The following ADARB2 variants were observed in gnomAD, a reference collection of about 807,000 sequenced individuals.
ADARB2 encodes the protein adenosine deaminase RNA specific B2 (inactive), also known as inactive double-stranded RNA-specific editase B2.
A neutral mutation model predicts 62.2 loss-of-function variants in ADARB2; 25 were observed. The ratio of observed to expected loss-of-function variants is 0.40; its 90% confidence interval spans 0.29 to 0.56. ADARB2 has a LOEUF of 0.56. Ranked by LOEUF, ADARB2 falls within the 20% of genes least tolerant of loss-of-function variation. The pLI is 0.43. For synonymous variants in ADARB2, 572 were observed against 500.8 expected, an observed-to-expected ratio of 1.14 and a Z score of -1.90; for missense variants, 1,071 against 1,077.4, an observed-to-expected ratio of 0.99 and a Z score of 0.08.
intron 4 of ADARB2, among the ~76,000 whole-genome samples, chr10:1,265,849 C>G (rs112768855): frequency 8.3e-6 from 1 of 119,774 alleles, no homozygotes; most frequent in East Asian, 2.8e-4. Context: ...ACGGCCTGAG[C>G]CAGGTCCACG....
Position 1,679,875 on chromosome 10 carries a change from C to G in ADARB2, c.100+57176G>C, listed in dbSNP as rs539747721. Among the ~76,000 whole-genome samples the G allele has an allele frequency of 1.9e-4, 29 of 152,284 alleles. No homozygotes were observed. The East Asian group carries it at 5.4e-3, about 28-fold the overall frequency. ...CCTCCTTAGTCTGTGGGTTGTCACT[C>G]TTAACATTGCTGACATTCCTTTGGC... is the stretch of plus-strand genomic sequence containing the variant. On this transcript the variant is annotated intron_variant, in intron 1 of 9. Coordinates refer to ENST00000381312, the MANE Select transcript of ADARB2 (RefSeq NM_018702.4).
intron 8 of ADARB2, among the ~76,000 whole-genome samples, chr10:1,191,889 C>T (rs1456778427): frequency 1.3e-5 from 2 of 152,174 alleles, no homozygotes; most frequent in African/African-American, 4.8e-5. Flanking sequence ...GACATACTGG[C>T]AGTGTGGCTT....
rs1564318387 is a variant in ADARB2, at chr10:1,529,082, G to GCACCATC, written c.101-149923_101-149922insGATGGTG. 8.2e-4 allele frequency among the ~76,000 whole-genome samples: 70 copies of GCACCATC among 85,706 alleles called. 5 individuals are homozygous for GCACCATC. Among genetic ancestry groups the GCACCATC allele is most frequent in the East Asian group, 4.8e-3 (8 of 1,650 alleles). The allele number at this position is 85,706 out of a possible 152,430, so 56.2% of individuals were successfully genotyped here. A position where few individuals can be genotyped will look rare whatever the true frequency, so the allele number is the denominator to read the frequency against. On this transcript the variant is annotated intron_variant, in intron 1 of 9. Coordinates refer to ENST00000381312, the MANE Select transcript of ADARB2 (RefSeq NM_018702.4). ...ATCCTCCAATCAGTCCACCCACCAT[G>GCACCATC]CCCAACACCAATCCTCCAATCAGTC...
At chr10:1,397,010 G>T in intron 1 of ADARB2, among the ~76,000 whole-genome samples, 1 of 38,824 alleles carries the variant, frequency 2.6e-5, no homozygotes, top group Non-Finnish European at 7.2e-5. Context: ...GAGGCTTCCT[G>T]GGTCACCATC....
rs1378280763 is a variant in ADARB2 at position 1,258,520 on chromosome 10, C to A, written c.1192+12435G>T. Among the ~76,000 whole-genome samples the A allele has an allele frequency of 2.6e-5, 4 of 152,300 alleles. No homozygotes were observed. The East Asian group carries it at 5.8e-4, about 22-fold the overall frequency. On this transcript the variant is annotated intron_variant, in intron 4 of 9. Coordinates refer to ENST00000381312, the MANE Select transcript of ADARB2 (RefSeq NM_018702.4). ...CAATCCTAGTCTCTAATAAAACAGT[C>A]TTTAAACCAACAAAGATCAAAAGAG... is the stretch of plus-strand genomic sequence containing the variant.
At chr10:1,466,025 A>C (rs1031367266) in intron 1 of ADARB2, among the ~76,000 whole-genome samples, 1 of 152,220 alleles carries the variant, frequency 6.6e-6, no homozygotes. Context: ...TTAAACTAAG[A>C]AGACAAGAAC....
chr10:1,271,100 G>C, intron 3 of ADARB2, 31 bp from the exon 4 acceptor site: 1 of 1,581,412 alleles, frequency 6.3e-7, no homozygotes, highest in Non-Finnish European at 8.7e-7. Flanking sequence ...CCTCCACGTT[G>C]GGCTGAGCAG....
In ADARB2 at chr10:1,566,083, A is replaced by C. The variant is rs1279636930; in HGVS notation, c.100+170968T>G. On this transcript the variant is annotated intron_variant, in intron 1 of 9. Coordinates refer to ENST00000381312, the MANE Select transcript of ADARB2 (RefSeq NM_018702.4). ...TCTAGCAAAAAAAAAAAAAAAAAAA[A>C]AAAAAAAAAAAAAAAAAAAAAAAAA... Among the ~76,000 whole-genome samples, 715 of 142,226 alleles carry C rather than the reference A, an allele frequency of 5.0e-3. 28 individuals carry two copies. Among genetic ancestry groups the C allele is most frequent in the African/African-American group, 0.019 (652 of 35,036 alleles). The allele number at this position is 142,226 out of a possible 152,430, so 93.3% of individuals were successfully genotyped here.
chr10:1,231,890 G>C (rs976115655), intron 6 of ADARB2, among the ~76,000 whole-genome samples: 3 of 152,176 alleles, frequency 2.0e-5, no homozygotes, highest in Non-Finnish European at 2.9e-5. Context: ...GGCTAAGCTC[G>C]TGTGAGATTA....
intron 1 of ADARB2, among the ~76,000 whole-genome samples, chr10:1,735,147 A>C (rs117134121): frequency 0.014 from 2,132 of 152,348 alleles, 24 homozygotes; most frequent in Non-Finnish European, 0.021. Context: ...TCTTCGTAAC[A>C]GAAATCAGTG....
At chr10:1,325,228 G>A (rs925267966) in intron 3 of ADARB2, among the ~76,000 whole-genome samples, 8 of 152,124 alleles carry the variant, frequency 5.3e-5, no homozygotes, top group African/African-American at 1.9e-4. Context: ...CCTCTACCGG[G>A]GGGTCCCTCC....
intron 1 of ADARB2, among the ~76,000 whole-genome samples, chr10:1,417,959 T>C (rs968515260): frequency 1.3e-5 from 2 of 152,236 alleles, no homozygotes; most frequent in African/African-American, 4.8e-5. Flanking sequence ...TGTTTACAGA[T>C]CACAATGTTT....
At chr10:1,275,252 A>G (rs1831304285) in intron 3 of ADARB2, among the ~76,000 whole-genome samples, 1 of 152,194 alleles carries the variant, frequency 6.6e-6, no homozygotes, top group Non-Finnish European at 1.5e-5. Flanking sequence ...CTAGAGTGAC[A>G]AGGGCCCCTG....
chr10:1,575,222 G>A (rs547928083), intron 1 of ADARB2, among the ~76,000 whole-genome samples: 1 of 149,006 alleles, frequency 6.7e-6, no homozygotes, highest in South Asian at 2.2e-4. Context: ...TATGAACAGA[G>A]CAATTCTACT....
At chr10:1,195,905 C>T (rs1024458056) in intron 8 of ADARB2, among the ~76,000 whole-genome samples, 5 of 152,116 alleles carry the variant, frequency 3.3e-5, no homozygotes, top group South Asian at 2.1e-4. Flanking sequence ...CCCACTGAAT[C>T]GAGGCCCATG....
chr10:1,428,828 CACACACACGCAATCCCACACACACAT>C (rs1830745484), intron 1 of ADARB2, among the ~76,000 whole-genome samples: 1 of 151,850 alleles, frequency 6.6e-6, no homozygotes, highest in African/African-American at 2.4e-5. Context: ...CACTTACACA[CACACACACGCAATCCCACACACACAT>C]ACACACACGG....
At chr10:1,719,097 G>A (rs1835057309) in intron 1 of ADARB2, among the ~76,000 whole-genome samples, 1 of 152,032 alleles carries the variant, frequency 6.6e-6, no homozygotes, top group South Asian at 2.1e-4. Context: ...AGTAGTAGCT[G>A]GGATTACAGG....
intron 1 of ADARB2, among the ~76,000 whole-genome samples, chr10:1,595,638 G>T (rs1026988710): frequency 6.6e-5 from 10 of 152,216 alleles, no homozygotes; most frequent in African/African-American, 2.2e-4. Context: ...GGAGCCCCAT[G>T]CAGGCACTGC....
At chr10:1,482,154 G>C in intron 1 of ADARB2, among the ~76,000 whole-genome samples, 1 of 152,200 alleles carries the variant, frequency 6.6e-6, no homozygotes, top group East Asian at 1.9e-4. Flanking sequence ...TGAATATAAC[G>C]TGGTGCAGCC....
Sources: allele counts gnomAD v4.1 joint callset (sites outside exome capture counted in the v4.1 genomes callset), GRCh38; gene constraint gnomAD v4.1.1; transcripts MANE v1.5; gene names NCBI Gene and HGNC (gene_info 2026-07-23, HGNC 2026-07-21).